The following CDC73 variants were observed in gnomAD, a reference collection of about 807,000 sequenced individuals.
The protein encoded by CDC73 is cell division cycle 73.
Under a neutral mutation model 83.7 loss-of-function variants are expected in CDC73, and 21 were observed. The observed-to-expected ratio is 0.25, with a 90% CI of 0.18 to 0.36. The LOEUF (loss-of-function observed/expected upper bound fraction) is 0.36, where lower values mean the gene tolerates loss of function less well. Ranked by LOEUF, CDC73 falls within the 10% of genes least tolerant of loss-of-function variation. The pLI is 1.00. For synonymous variants in CDC73, 224 were observed against 212.9 expected (o/e 1.05, Z -0.45); for missense variants, 342 against 653.3 (o/e 0.52, Z 5.19).
At chr1:193,127,885 G>C in intron 2 of CDC73, 1 of 141,376 alleles carries the variant, frequency 7.1e-6, no homozygotes, top group East Asian at 2.0e-4. Flanking sequence ...CCGCCTCCTG[G>C]GTTCAAGGGA....
chr1:193,219,269 G>C (rs919212365), intron 13 of CDC73, among the ~76,000 whole-genome samples: 1 of 152,154 alleles, frequency 6.6e-6, no homozygotes, highest in Non-Finnish European at 1.5e-5. Context: ...GTGGAGAAAA[G>C]GGAATGCTTA....
At chr1:193,199,376 A>C (rs978799975) in intron 10 of CDC73, among the ~76,000 whole-genome samples, 1 of 152,048 alleles carries the variant, frequency 6.6e-6, no homozygotes, top group African/African-American at 2.4e-5. Flanking sequence ...TTGTGCAACA[A>C]AATGAGGCCT....
chr1:193,225,494 T>C (rs1339671657), intron 13 of CDC73, among the ~76,000 whole-genome samples: 1 of 152,148 alleles, frequency 6.6e-6, no homozygotes, highest in African/African-American at 2.4e-5. Flanking sequence ...CTGTTTTCCA[T>C]AGTGGTTGTA....
chr1:193,140,874 T>C (rs1170561056), intron 6 of CDC73, among the ~76,000 whole-genome samples: 1 of 152,226 alleles, frequency 6.6e-6, no homozygotes, highest in Non-Finnish European at 1.5e-5. Flanking sequence ...ACAGGAGTAC[T>C]GTATTTGAAT....
intron 15 of CDC73, among the ~76,000 whole-genome samples, chr1:193,240,737 G>A (rs1484413554): frequency 6.6e-6 from 1 of 151,790 alleles, no homozygotes; most frequent in African/African-American, 2.4e-5. Flanking sequence ...TTGCATATTA[G>A]TCCCTTGTTG....
At chr1:193,160,448 T>C (rs1015787795) in intron 10 of CDC73, among the ~76,000 whole-genome samples, 2 of 152,072 alleles carry the variant, frequency 1.3e-5, no homozygotes, top group African/African-American at 4.8e-5. Flanking sequence ...CTATGAAACA[T>C]AGTTTTGGTT....
intron 10 of CDC73, among the ~76,000 whole-genome samples, chr1:193,156,621 C>G (rs575206780): frequency 6.6e-6 from 1 of 152,234 alleles, no homozygotes; most frequent in Admixed American, 6.5e-5. Context: ...ACATAGCACT[C>G]TCCCCACCCC....
intron 7 of CDC73, among the ~76,000 whole-genome samples, chr1:193,145,704 A>G (rs974229939): frequency 6.6e-6 from 1 of 152,166 alleles, no homozygotes; most frequent in Admixed American, 6.5e-5. Flanking sequence ...TAAGAGTGCA[A>G]AGGGGTCCTG....
At chr1:193,191,603 C>G (rs1305964165) in intron 10 of CDC73, among the ~76,000 whole-genome samples, 6 of 152,060 alleles carry the variant, frequency 3.9e-5, no homozygotes, top group Admixed American at 2.6e-4. Context: ...GCAGGCTGGT[C>G]TCAAACTCCT....
chr1:193,124,241 A>C (rs1000712320), intron 1 of CDC73, among the ~76,000 whole-genome samples: 2 of 152,246 alleles, frequency 1.3e-5, no homozygotes. Context: ...TACACATATA[A>C]AACACTAAAC....
intron 10 of CDC73, among the ~76,000 whole-genome samples, chr1:193,160,588 G>T (rs1676291293): frequency 6.6e-6 from 1 of 151,928 alleles, no homozygotes; most frequent in South Asian, 2.1e-4. Flanking sequence ...CTGCATCAGT[G>T]TAACTTTAAT....
At chr1:193,153,015 G>T (rs955003146) in intron 10 of CDC73, among the ~76,000 whole-genome samples, 1 of 152,006 alleles carries the variant, frequency 6.6e-6, no homozygotes, top group South Asian at 2.1e-4. Context: ...GTGATCGCCC[G>T]CCTCAGCCTC....
chr1:193,122,373 G>A (rs1167768210), intron 1 of CDC73, 42 bp downstream of exon 1: 1 of 1,613,438 alleles, frequency 6.2e-7, no homozygotes, highest in Non-Finnish European at 8.5e-7. Context: ...GCAGGGCAGA[G>A]TTGGGCGCCC....
At chr1:193,132,426 A>G (rs932761357) in intron 3 of CDC73, among the ~76,000 whole-genome samples, 8 of 152,232 alleles carry the variant, frequency 5.3e-5, no homozygotes, top group African/African-American at 1.7e-4. Flanking sequence ...CAGCAGTATT[A>G]AAGAGGGAGT....
rs376535321 is a variant in CDC73 at position 193,167,952 on chromosome 1, C to G, written c.972+15508C>G. 2.4e-4 allele frequency among the ~76,000 whole-genome samples: 37 copies of G among 152,230 alleles called. No homozygotes were observed. The East Asian group carries it at 4.4e-3, about 18-fold the overall frequency. Reference sequence around the variant, plus strand: ...CTTGGCTTACTGCAACCTCTGCCTCCCGGGTTCAAGCAGTTCTCCTGCCTC... The same window carrying G: ...CTTGGCTTACTGCAACCTCTGCCTCGCGGGTTCAAGCAGTTCTCCTGCCTC... On this transcript the variant is annotated intron_variant, in intron 10 of 16. Transcript: ENST00000367435.
At chr1:193,172,717 C>G (rs773817175) in intron 10 of CDC73, among the ~76,000 whole-genome samples, 4 of 152,096 alleles carry the variant, frequency 2.6e-5, no homozygotes, top group Non-Finnish European at 5.9e-5. Flanking sequence ...CATCCTTTTT[C>G]CCTCTTCCTT....
intron 13 of CDC73, among the ~76,000 whole-genome samples, chr1:193,228,162 C>T (rs1332486838): frequency 6.6e-6 from 1 of 152,116 alleles, no homozygotes; most frequent in Non-Finnish European, 1.5e-5. Context: ...TTTAATATCT[C>T]TGAAATTGTA....
chr1:193,148,109 G>A, intron 8 of CDC73, 144 bp downstream of exon 8: 3 of 696,660 alleles, frequency 4.3e-6, no homozygotes, highest in South Asian at 3.1e-5. Flanking sequence ...AGATGTGAAA[G>A]CCCTCCCCAA....
chr1:193,204,541 G>A (rs1263557963), intron 11 of CDC73, among the ~76,000 whole-genome samples: 5 of 151,668 alleles, frequency 3.3e-5, no homozygotes, highest in East Asian at 1.9e-4. Flanking sequence ...CGCCCGCCTC[G>A]GCCTCCCAAA....
Sources: gnomAD v4.1 joint callset for allele counts (sites outside exome capture counted in the v4.1 genomes callset) on GRCh38, gnomAD v4.1.1 for gene constraint, MANE v1.5 for transcripts, NCBI Gene and HGNC (gene_info 2026-07-23, HGNC 2026-07-21) for gene names.